METTL15: variants seen among roughly 807,000 people sequenced by gnomAD.
METTL15 encodes the protein 12S rRNA N(4)-cytidine methyltransferase METTL15.
METTL15 carries 34 observed loss-of-function variants against 38.3 expected under a neutral mutation model. The ratio of observed to expected loss-of-function variants is 0.89; its 90% CI spans 0.68 to 1.18. The LOEUF is 1.18. Ranked by LOEUF, METTL15 falls within the 50% of genes most tolerant of loss-of-function variation. The probability of loss-of-function intolerance (pLI) is 0.00; values close to 1 mark genes in which losing one functional copy is unlikely to be tolerated. For missense variants in METTL15, 438 were observed against 498.4 expected (o/e 0.88, Z 1.15); for synonymous variants, 162 against 170.9 (o/e 0.95, Z 0.41).
chr11:28,341,132 G>A (rs970469843), intron 3 of METTL15, among the ~76,000 whole-genome samples: 1 of 152,102 alleles, frequency 6.6e-6, no homozygotes, highest in African/African-American at 2.4e-5. Flanking sequence ...AGAATACATG[G>A]ACACAGGGAG....
At chr11:28,151,200 CTTGTT>C (rs1480776863) in intron 3 of METTL15, among the ~76,000 whole-genome samples, 1 of 151,810 alleles carries the variant, frequency 6.6e-6, no homozygotes, top group African/African-American at 2.4e-5. Flanking sequence ...ATATAATTTA[CTTGTT>C]TTGGTTGGTA....
chr11:28,523,397 A>G (rs1358364223), intron 6 of METTL15, among the ~76,000 whole-genome samples: 2 of 152,242 alleles, frequency 1.3e-5, no homozygotes, highest in African/African-American at 2.4e-5. Flanking sequence ...CTTGAAACAT[A>G]TGAACATCAT....
At chr11:28,192,903 G>A (rs968552957) in intron 3 of METTL15, among the ~76,000 whole-genome samples, 3 of 152,000 alleles carry the variant, frequency 2.0e-5, no homozygotes, top group African/African-American at 7.2e-5. Flanking sequence ...CAAGGAATTT[G>A]TTCACTTCAG....
chr11:28,239,036 C>T (rs970951896), intron 4 of METTL15, among the ~76,000 whole-genome samples: 1 of 151,900 alleles, frequency 6.6e-6, no homozygotes, highest in Non-Finnish European at 1.5e-5. Flanking sequence ...ATTTGTTCTT[C>T]TTCAGGGCTC....
intron 3 of METTL15, among the ~76,000 whole-genome samples, chr11:28,170,561 G>A (rs555979592): frequency 2.2e-3 from 339 of 152,218 alleles, no homozygotes; most frequent in Non-Finnish European, 3.5e-3. Flanking sequence ...TTGAGTATAC[G>A]CTAAACTAGG....
At chr11:28,368,919 A>G (rs1850216346) in intron 5 of METTL15, among the ~76,000 whole-genome samples, 2 of 151,934 alleles carry the variant, frequency 1.3e-5, no homozygotes, top group Admixed American at 6.6e-5. Flanking sequence ...ACCAAACACC[A>G]TATGTTCTCA....
At chr11:28,342,784 A>G (rs1328583431) in intron 3 of METTL15, among the ~76,000 whole-genome samples, 3 of 152,218 alleles carry the variant, frequency 2.0e-5, no homozygotes, top group Non-Finnish European at 4.4e-5. Flanking sequence ...TCAGTATCTT[A>G]ATAAAGCTTT....
In METTL15 at chr11:28,390,994, G is replaced by C. The variant is rs899614208; in HGVS notation, c.*358+28958G>C. On this transcript the variant is annotated intron_variant and NMD_transcript_variant, in intron 5 of 7. Coordinates refer to the METTL15 transcript ENST00000532947. ...GTATTTTATTCTCTTTGAAGCAATTGTGAATGGGAGTTCACTCATGATTTG... is the reference window on the plus strand; with the variant it reads ...GTATTTTATTCTCTTTGAAGCAATTCTGAATGGGAGTTCACTCATGATTTG... Among the ~76,000 whole-genome samples, 31 of 152,156 alleles carry C rather than the reference G, an allele frequency of 2.0e-4. 1 individual carries two copies. The highest frequency in any genetic ancestry group is 7.2e-4 in the African/African-American group (30 of 41,436).
In METTL15 at chr11:28,221,980, A is replaced by G. The variant is rs185417515; in HGVS notation, c.407+10782A>G. Among the ~76,000 whole-genome samples the G allele has an allele frequency of 9.0e-4, 137 of 152,316 alleles. 1 individual carries two copies. The highest frequency in any genetic ancestry group is 3.3e-3 in the African/African-American group (136 of 41,576). On this transcript the variant is annotated intron_variant, in intron 4 of 6. Coordinates refer to ENST00000407364, the MANE Select transcript of METTL15 (RefSeq NM_001113528.2). ...CTGCCTCTACTGGGGGATGCCTTCCAGTTAGGCTACTGAGGGGTCAGGGAC... is the reference window on the plus strand; with the variant it reads ...CTGCCTCTACTGGGGGATGCCTTCCGGTTAGGCTACTGAGGGGTCAGGGAC...
intron 3 of METTL15, among the ~76,000 whole-genome samples, chr11:28,209,392 C>G (rs1852524341): frequency 6.6e-6 from 1 of 151,710 alleles, no homozygotes; most frequent in African/African-American, 2.4e-5. Context: ...AGATTTTTGC[C>G]AATTCATCGA....
At chr11:28,486,071 G>C (rs1851436879) in intron 6 of METTL15, among the ~76,000 whole-genome samples, 1 of 152,170 alleles carries the variant, frequency 6.6e-6, no homozygotes, top group South Asian at 2.1e-4. Flanking sequence ...GAATTCTGGG[G>C]AGACACAATT....
intron 4 of METTL15, among the ~76,000 whole-genome samples, chr11:28,248,148 T>G (rs1854588575): frequency 6.6e-6 from 1 of 152,080 alleles, no homozygotes; most frequent in African/African-American, 2.4e-5. Flanking sequence ...TCCTTTGTAA[T>G]CGGTTGAAAG....
At chr11:28,448,196 C>T (rs1456182685) in intron 6 of METTL15, among the ~76,000 whole-genome samples, 1 of 152,176 alleles carries the variant, frequency 6.6e-6, no homozygotes, top group East Asian at 1.9e-4. Flanking sequence ...TAGAGCCCCT[C>T]TTATACTCTA....
intron 5 of METTL15, among the ~76,000 whole-genome samples, chr11:28,368,051 A>G (rs2133372875): frequency 6.6e-6 from 1 of 151,806 alleles, no homozygotes; most frequent in Non-Finnish European, 1.5e-5. Flanking sequence ...TTTCATGTCT[A>G]AAAACACCAA....
At chr11:28,211,255 G>A in intron 4 of METTL15, 57 bp downstream of exon 4, 1 of 1,515,702 alleles carries the variant, frequency 6.6e-7, no homozygotes, top group Middle Eastern at 1.8e-4. Flanking sequence ...ACAGAGCTTG[G>A]TTTACCACCT....
chr11:28,320,702 T>C (rs866342937), intron 6 of METTL15, among the ~76,000 whole-genome samples: 1 of 152,182 alleles, frequency 6.6e-6, no homozygotes. Context: ...AAGAGAAATC[T>C]AGAAGTTTAA....
intron 4 of METTL15, among the ~76,000 whole-genome samples, chr11:28,244,051 C>A (rs7940342): frequency 0.1 from 15,569 of 151,862 alleles, 1,451 homozygotes; most frequent in East Asian, 0.36. Context: ...TTTTAAAGTT[C>A]AAAAATAGGC....
At chr11:28,201,120 C>T (rs187383991) in intron 3 of METTL15, among the ~76,000 whole-genome samples, 13 of 151,984 alleles carry the variant, frequency 8.6e-5, no homozygotes, top group African/African-American at 2.2e-4. Flanking sequence ...TAACATGAAG[C>T]GATGTTGAAT....
At chr11:28,381,874 T>C (rs1177880054) in intron 5 of METTL15, among the ~76,000 whole-genome samples, 2 of 152,170 alleles carry the variant, frequency 1.3e-5, no homozygotes, top group African/African-American at 4.8e-5. Flanking sequence ...GTATCTTTGC[T>C]TTGTCCACTT....
Sources: gnomAD v4.1 joint callset for allele counts (sites outside exome capture counted in the v4.1 genomes callset) on GRCh38, gnomAD v4.1.1 for gene constraint, MANE v1.5 for transcripts, NCBI Gene and HGNC (gene_info 2026-07-23, HGNC 2026-07-21) for gene names.